NME7: variants seen among roughly 807,000 people sequenced by gnomAD.
The protein encoded by NME7 is NME/NM23 family member 7, also known as nucleoside diphosphate kinase 7.
Under a neutral mutation model 49.1 loss-of-function variants are expected in NME7, and 41 were observed. The observed-to-expected ratio is 0.83, with a 90% CI of 0.65 to 1.08. NME7 has a LOEUF of 1.08. Ranked by LOEUF, NME7 falls within the 50% of genes least tolerant of loss-of-function variation. The pLI is 0.00. For missense variants in NME7, 423 were observed against 463.4 expected (o/e 0.91, Z 0.80); for synonymous variants, 139 against 150.6 (o/e 0.92, Z 0.56).
Position 169,132,584 on chromosome 1 carries a change from C to T in NME7, c.*201G>A. On this transcript the variant is annotated 3_prime_UTR_variant, in exon 12 of 12. Transcript: ENST00000367811. ...CTTTATAAAAAGCAATGCAGTACCC[C>T]ATAGACTGGTGTTAAATGTTGTCTA... The T allele has an allele frequency of 2.0e-6, 1 of 506,970 alleles. No homozygotes were observed. Among genetic ancestry groups the T allele is most frequent in the South Asian group, 3.6e-5 (1 of 27,544 alleles). The allele number at this position is 506,970 out of a possible 1,614,324, so 31.4% of individuals were successfully genotyped here.
At chr1:169,164,965 C>G (rs778306698) in intron 11 of NME7, among the ~76,000 whole-genome samples, 1 of 152,158 alleles carries the variant, frequency 6.6e-6, no homozygotes, top group African/African-American at 2.4e-5. Context: ...TAATAGAAAA[C>G]TAGTATTTGA....
intron 1 of NME7, among the ~76,000 whole-genome samples, chr1:169,346,151 G>T (rs1231707781): frequency 6.6e-6 from 1 of 151,744 alleles, no homozygotes; most frequent in African/African-American, 2.4e-5. Context: ...TTCCATCTTT[G>T]CCCCCTACAG....
chr1:169,194,449 G>C (rs1321019642), intron 10 of NME7, among the ~76,000 whole-genome samples: 1 of 152,168 alleles, frequency 6.6e-6, no homozygotes, highest in African/African-American at 2.4e-5. Context: ...AGGAGAGTGA[G>C]AGATAATAGC....
chr1:169,278,586 G>A (rs1225741789), intron 7 of NME7, among the ~76,000 whole-genome samples: 4 of 152,164 alleles, frequency 2.6e-5, no homozygotes, highest in Non-Finnish European at 4.4e-5. Context: ...TTATACATTC[G>A]TCGAAATTTT....
chr1:169,154,733 G>C (rs1332304796), intron 11 of NME7, among the ~76,000 whole-genome samples: 2 of 151,708 alleles, frequency 1.3e-5, no homozygotes, highest in African/African-American at 4.8e-5. Context: ...GGGAAGTGGA[G>C]GTTGCAGTGA....
At chr1:169,233,972 T>A (rs1204204222) in intron 9 of NME7, among the ~76,000 whole-genome samples, 1 of 151,908 alleles carries the variant, frequency 6.6e-6, no homozygotes, top group Non-Finnish European at 1.5e-5. Context: ...CTTCCTTTTT[T>A]CTTTCTTTGT....
chr1:169,245,368 A>C (rs1401533676), intron 7 of NME7, among the ~76,000 whole-genome samples: 1 of 152,310 alleles, frequency 6.6e-6, no homozygotes, highest in Non-Finnish European at 1.5e-5. Context: ...AAAACAACTT[A>C]CAAAACTGAA....
chr1:169,238,347 T>C (rs1316559181), intron 7 of NME7, among the ~76,000 whole-genome samples: 1 of 151,996 alleles, frequency 6.6e-6, no homozygotes, highest in Non-Finnish European at 1.5e-5. Flanking sequence ...ATGAGTGGTT[T>C]CTATATTGGA....
intron 10 of NME7, among the ~76,000 whole-genome samples, chr1:169,229,361 C>T (rs1460500861): frequency 1.3e-5 from 2 of 152,206 alleles, no homozygotes; most frequent in African/African-American, 4.8e-5. Flanking sequence ...TTTTCTCATT[C>T]TCTTTGTGCC....
chr1:169,219,989 A>AT (rs1283976167), intron 10 of NME7, among the ~76,000 whole-genome samples: 2 of 152,120 alleles, frequency 1.3e-5, no homozygotes, highest in African/African-American at 4.8e-5. Flanking sequence ...CTTTTTCCTC[A>AT]TTTTTTTATC....
intron 5 of NME7, 170 bp downstream of exon 5, chr1:169,302,971 TCTTA>T (rs1047687388): frequency 1.4e-4 from 55 of 405,624 alleles, no homozygotes; most frequent in African/African-American, 5.4e-4. Context: ...ATATAGGAAT[TCTTA>T]CTTAATAAAA....
intron 10 of NME7, among the ~76,000 whole-genome samples, chr1:169,219,332 TA>T (rs1234861145): frequency 1.3e-5 from 2 of 152,258 alleles, no homozygotes; most frequent in Non-Finnish European, 2.9e-5. Context: ...ATGTGCTAAG[TA>T]CTACATTGAA....
intron 11 of NME7, chr1:169,168,724 T>C (rs958719055): frequency 1.6e-5 from 6 of 386,902 alleles, no homozygotes; most frequent in African/African-American, 1.3e-4. Flanking sequence ...CTACTAATGC[T>C]GTTGACCGGG....
chr1:169,338,484 G>A (rs1652563503), intron 1 of NME7, among the ~76,000 whole-genome samples: 1 of 152,136 alleles, frequency 6.6e-6, no homozygotes, highest in South Asian at 2.1e-4. Flanking sequence ...CAGGAAGCTG[G>A]TCAAACAAGA....
intron 10 of NME7, among the ~76,000 whole-genome samples, chr1:169,180,630 T>C (rs1029674103): frequency 6.6e-6 from 1 of 152,182 alleles, no homozygotes; most frequent in Non-Finnish European, 1.5e-5. Context: ...TAATTACCAA[T>C]AGCAATGTTG....
intron 10 of NME7, among the ~76,000 whole-genome samples, chr1:169,181,644 G>A (rs548023804): frequency 6.6e-6 from 1 of 152,124 alleles, no homozygotes; most frequent in Admixed American, 6.5e-5. Flanking sequence ...TTTAATTACT[G>A]TCCTACCTCT....
At chr1:169,187,243 T>C (rs935321234) in intron 10 of NME7, among the ~76,000 whole-genome samples, 1 of 152,110 alleles carries the variant, frequency 6.6e-6, no homozygotes, top group African/African-American at 2.4e-5. Context: ...TGGAGAGTTC[T>C]GTAGATGTCT....
At chr1:169,199,030 G>GT (rs1660470290) in intron 10 of NME7, among the ~76,000 whole-genome samples, 1 of 152,034 alleles carries the variant, frequency 6.6e-6, no homozygotes, top group Non-Finnish European at 1.5e-5. Context: ...TTCATAAAAT[G>GT]TGACTAATAA....
At position 169,346,418 on chromosome 1, in the gene NME7, C is replaced by T. The variant is rs540821422; in HGVS notation, c.3+21290G>A. Among the ~76,000 whole-genome samples the T allele has an allele frequency of 3.8e-4, 58 of 152,242 alleles. 1 individual carries two copies. The South Asian group carries it at 0.011, about 30-fold the overall frequency. On this transcript the variant is annotated intron_variant, in intron 1 of 11. Coordinates refer to ENST00000367811, the MANE Select transcript of NME7 (RefSeq NM_013330.5). ...ATGCTCCCACCTAAAAAAGTCTGTCCGCTGACTGTCTTATTTCCTGGAATA... is the reference window on the plus strand; with the variant it reads ...ATGCTCCCACCTAAAAAAGTCTGTCTGCTGACTGTCTTATTTCCTGGAATA...
Sources: gnomAD v4.1 joint callset for allele counts (sites outside exome capture counted in the v4.1 genomes callset) on GRCh38, gnomAD v4.1.1 for gene constraint, MANE v1.5 for transcripts, NCBI Gene and HGNC (gene_info 2026-07-23, HGNC 2026-07-21) for gene names.